Variants in MEX3C observed in about 807,000 individuals in gnomAD.
MEX3C encodes RNA-binding E3 ubiquitin-protein ligase MEX3C.
In MEX3C, 15 loss-of-function variants were observed where a neutral mutation model predicts 35.5. The observed-to-expected ratio is 0.42, with a 90% confidence interval of 0.28 to 0.65. MEX3C has a LOEUF of 0.65. Ranked by LOEUF, MEX3C falls within the 30% of genes least tolerant of loss-of-function variation. MEX3C has a pLI of 0.20. For missense variants in MEX3C, 711 were observed against 842.8 expected (o/e 0.84, Z 1.94); for synonymous variants, 390 against 352.8 (o/e 1.11, Z -1.18).
Position 51,186,270 on chromosome 18 carries a change from C to T in MEX3C, c.755-8694G>A, listed in dbSNP as rs117219286. ...GTAAAGCAACACTGAATACAGTAACCGGTTTAAAGGTACCTACAAAGCAGT... is the reference window on the plus strand; with the variant it reads ...GTAAAGCAACACTGAATACAGTAACTGGTTTAAAGGTACCTACAAAGCAGT... On this transcript the variant is annotated intron_variant, in intron 1 of 1. Coordinates refer to ENST00000406189, the MANE Select transcript of MEX3C (RefSeq NM_016626.5). 9.3e-4 allele frequency among the ~76,000 whole-genome samples: 142 copies of T among 152,154 alleles called. 3 individuals are homozygous for T. In the East Asian group the frequency reaches 0.026, roughly 28 times the overall value.
chr18:51,185,893 T>C (rs374710415), intron 1 of MEX3C, among the ~76,000 whole-genome samples: 154 of 143,168 alleles, frequency 1.1e-3, no homozygotes, highest in South Asian at 2.3e-3. Context: ...GACCCCCCCC[T>C]CTCTATAATA....
At chr18:51,191,208 T>C (rs891834421) in intron 1 of MEX3C, among the ~76,000 whole-genome samples, 3 of 152,274 alleles carry the variant, frequency 2.0e-5, no homozygotes, top group East Asian at 1.9e-4. Flanking sequence ...TGTGGGCACA[T>C]AGTTGTCATA....
chr18:51,193,730 T>C (rs989104118), intron 1 of MEX3C: 1 of 152,208 alleles, frequency 6.6e-6, no homozygotes, highest in African/African-American at 2.4e-5. Flanking sequence ...CAAATGACCA[T>C]ATGCTACTGG....
intron 1 of MEX3C, chr18:51,196,232 ACTC>A (rs1912783242): frequency 2.5e-6 from 1 of 400,176 alleles, no homozygotes; most frequent in Admixed American, 4.4e-5. Context: ...CGAACCCACA[ACTC>A]CTCGAGCCCG....
At position 51,175,466 on chromosome 18, in the gene MEX3C, ATATATT is replaced by A. The variant is rs1912279173; in HGVS notation, c.*879_*884del. On this transcript the variant is annotated 3_prime_UTR_variant, in exon 2 of 2. Transcript: ENST00000406189. ...TCCCCTAAATTACTAAAAAATAAAA[ATATATT>A]TATAATGTGCAAGACAAATATGGAT... is the stretch of plus-strand genomic sequence containing the variant. The A allele has an allele frequency of 6.6e-6, 1 of 152,658 alleles. No individual in the cohort carries two copies. The highest frequency in any genetic ancestry group is 6.5e-5 in the Admixed American group (1 of 15,282). 9.5% of individuals were successfully genotyped at this position (152,658 alleles called of 1,614,324 possible).
chr18:51,194,075 TTTAC>T (rs1912719914), intron 1 of MEX3C: 1 of 152,226 alleles, frequency 6.6e-6, no homozygotes, highest in South Asian at 2.1e-4. Flanking sequence ...TTTGCCCTGT[TTTAC>T]TTACTTAGGA....
chr18:51,192,520 C>T (rs1000635662), intron 1 of MEX3C, among the ~76,000 whole-genome samples: 3 of 152,154 alleles, frequency 2.0e-5, no homozygotes, highest in Non-Finnish European at 4.4e-5. Flanking sequence ...ACAATTAAAA[C>T]TGTGCCTTGT....
At position 51,176,487 on chromosome 18, in the gene MEX3C, T is replaced by A. The variant is rs886655358; in HGVS notation, c.1844A>T (p.Glu615Val). The change falls in exon 2 of 2, where the codon GAG (glutamate) becomes GTG (valine). Residue 615 changes from glutamate to valine, a missense_variant. Coordinates refer to ENST00000406189, the MANE Select transcript of MEX3C (RefSeq NM_016626.5). ...KHDCVICFEN[E>V]VIAALVPCGH... ...ACATGGAACTAGGGCAGCAATAACC[T>A]CATTCTCAAAGCAAATCACACAGTC... is the stretch of plus-strand genomic sequence containing the variant. The A allele has an allele frequency of 6.2e-7, 1 of 1,613,998 alleles. No individual in the cohort carries two copies. The highest frequency in any genetic ancestry group is 8.5e-7 in the Non-Finnish European group (1 of 1,179,892).
At position 51,176,661 on chromosome 18, in the gene MEX3C, G is replaced by A. The variant is rs756391050; in HGVS notation, c.1670C>T (p.Ala557Val). The change falls in exon 2 of 2, where the codon GCT becomes GTT. Residue 557 changes from alanine to valine, a missense_variant. Transcript: ENST00000406189. ...TFPESIEHPL[A>V]RRVRSDPPST... ...AGGTGGGTCGCTCCTAACCCTCCGAGCAAGTGGATGTTCTATGCTCTCAGG... is the reference window on the plus strand; with the variant it reads ...AGGTGGGTCGCTCCTAACCCTCCGAACAAGTGGATGTTCTATGCTCTCAGG... 1.2e-6 allele frequency: 2 copies of A among 1,613,898 alleles called. No homozygotes were observed. Among genetic ancestry groups the A allele is most frequent in the African/African-American group, 1.3e-5 (1 of 74,926 alleles).
intron 1 of MEX3C, chr18:51,196,359 T>C: frequency 8.3e-7 from 1 of 1,206,622 alleles, no homozygotes; most frequent in Non-Finnish European, 1.1e-6. Flanking sequence ...CTTCACACTT[T>C]TTACCAGGCA....
At chr18:51,190,748 C>T (rs1912633685) in intron 1 of MEX3C, among the ~76,000 whole-genome samples, 1 of 152,122 alleles carries the variant, frequency 6.6e-6, no homozygotes, top group Admixed American at 6.5e-5. Flanking sequence ...TTAGACTATG[C>T]ATACATTCAA....
At chr18:51,184,794 G>A (rs1912500957) in intron 1 of MEX3C, among the ~76,000 whole-genome samples, 1 of 152,102 alleles carries the variant, frequency 6.6e-6, no homozygotes, top group Non-Finnish European at 1.5e-5. Context: ...AGGATGTCAA[G>A]GCTGCAGAGA....
At position 51,176,319 on chromosome 18, in the gene MEX3C, T is replaced by G; in HGVS notation, c.*32A>C. On this transcript the variant is annotated 3_prime_UTR_variant, in exon 2 of 2. Transcript: ENST00000406189. Reference sequence around the variant, plus strand: ...ATACCCATGCCTTTACGAGTCCATATAGAGATATAGTATTTATGTATATAT... The same window carrying G: ...ATACCCATGCCTTTACGAGTCCATAGAGAGATATAGTATTTATGTATATAT... 1.3e-6 allele frequency: 2 copies of G among 1,541,598 alleles called. No homozygotes were observed. Among genetic ancestry groups the G allele is most frequent in the South Asian group, 1.2e-5 (1 of 80,122 alleles).
intron 1 of MEX3C, among the ~76,000 whole-genome samples, chr18:51,187,213 T>A (rs1912559841): frequency 6.6e-6 from 1 of 152,188 alleles, no homozygotes; most frequent in Non-Finnish European, 1.5e-5. Flanking sequence ...TAGTATTCCT[T>A]TTCCTCCCTG....
chr18:51,188,591 C>T (rs988209709), intron 1 of MEX3C, among the ~76,000 whole-genome samples: 7 of 94,786 alleles, frequency 7.4e-5, no homozygotes, highest in Non-Finnish European at 1.3e-4. Flanking sequence ...GAGTGAGACC[C>T]TGTCTCAAAA....
Position 51,176,653 on chromosome 18 carries a change from C to G in MEX3C, c.1678G>C (p.Val560Leu). 6.2e-7 allele frequency: 1 copy of G among 1,613,978 alleles called. No individual in the cohort carries two copies. The highest frequency in any genetic ancestry group is 8.5e-7 in the Non-Finnish European group (1 of 1,179,868). The change falls in exon 2 of 2, where the codon GTT becomes CTT. Residue 560 changes from valine to leucine, a missense_variant. Transcript: ENST00000406189. ...CCTGTACTAGGTGGGTCGCTCCTAA[C>G]CCTCCGAGCAAGTGGATGTTCTATG... ...ESIEHPLARR[V>L]RSDPPSTGNH...
chr18:51,192,657 G>C (rs1026379900), intron 1 of MEX3C, among the ~76,000 whole-genome samples: 14 of 152,128 alleles, frequency 9.2e-5, no homozygotes, highest in Non-Finnish European at 1.9e-4. Context: ...TAACCTTCCA[G>C]AGCAGAATGC....
rs1164828674 is a variant in MEX3C, at chr18:51,177,667, A to G, written c.755-91T>C. 6.5e-6 allele frequency: 9 copies of G among 1,386,940 alleles called. No homozygotes were observed. Among genetic ancestry groups the G allele is most frequent in the African/African-American group, 5.8e-5 (4 of 69,214 alleles). 85.9% of individuals were successfully genotyped at this position (1,386,940 alleles called of 1,614,324 possible). ...ACAGAATGCACCTTTTAAGCTAAATATCTGGTTATGGGTTAAGTTTTAGAG... is the reference window on the plus strand; with the variant it reads ...ACAGAATGCACCTTTTAAGCTAAATGTCTGGTTATGGGTTAAGTTTTAGAG... On this transcript the variant is annotated intron_variant, in intron 1 of 1. Coordinates refer to ENST00000406189, the MANE Select transcript of MEX3C (RefSeq NM_016626.5). This position sits in a 1 kb window ranked among gnomAD's most constrained non-coding sequence, Gnocchi z 4.2.
At chr18:51,180,000 T>C (rs959927452) in intron 1 of MEX3C, among the ~76,000 whole-genome samples, 9 of 148,298 alleles carry the variant, frequency 6.1e-5, no homozygotes, top group Non-Finnish European at 1.2e-4. Flanking sequence ...CTGGGCAAAT[T>C]GCATTAAGGA....
Sources: gnomAD v4.1 joint callset for allele counts (sites outside exome capture counted in the v4.1 genomes callset) on GRCh38, gnomAD v4.1.1 for gene constraint, Gnocchi (gnomAD v3.1) non-coding constraint, MANE v1.5 for transcripts, NCBI Gene and HGNC (gene_info 2026-07-23, HGNC 2026-07-21) for gene names.